The following AAK1 variants were observed in gnomAD, a reference collection of about 807,000 sequenced individuals.
AAK1 encodes the protein AP2-associated protein kinase 1.
Under a neutral mutation model 116.0 loss-of-function variants are expected in AAK1, and 37 were observed. The ratio of observed to expected loss-of-function variants is 0.32; its 90% CI spans 0.25 to 0.42. The LOEUF is 0.42. AAK1 is among the 10% of genes least tolerant of loss of function. The probability of loss-of-function intolerance (pLI) is 1.00; values close to 1 mark genes in which losing one functional copy is unlikely to be tolerated. For missense variants in AAK1, 919 were observed against 1,170.6 expected (o/e 0.79, Z 3.14); for synonymous variants, 458 against 439.9 (o/e 1.04, Z -0.51).
chr2:69,520,358 CTTTTTTTTTT>C (rs71397334), intron 11 of AAK1, among the ~76,000 whole-genome samples: 1 of 127,420 alleles, frequency 7.8e-6, no homozygotes, highest in African/African-American at 3.0e-5. Flanking sequence ...CAATTCTTTT[CTTTTTTTTTT>C]TTTTTTTTTG....
intron 2 of AAK1, among the ~76,000 whole-genome samples, chr2:69,589,578 G>A (rs755763374): frequency 2.6e-5 from 4 of 151,840 alleles, no homozygotes; most frequent in Non-Finnish European, 5.9e-5. Context: ...GCTTGATGGC[G>A]CATGCCTGTA....
In AAK1 at chr2:69,467,896, T is replaced by TG; in HGVS notation, c.*7972dup. 1.0e-6 allele frequency: 1 copy of TG among 985,316 alleles called. No homozygotes were observed. Among genetic ancestry groups the TG allele is most frequent in the Non-Finnish European group, 1.2e-6 (1 of 829,806 alleles). 61.0% of individuals were successfully genotyped at this position (985,316 alleles called of 1,614,324 possible). ...TATAAGATACTGTACAAAAATACTATGTTTCTCTGAATCCTATAACTTTTT... is the reference window on the plus strand; with the variant it reads ...TATAAGATACTGTACAAAAATACTATGGTTTCTCTGAATCCTATAACTTTTT... On this transcript the variant is annotated 3_prime_UTR_variant, in exon 22 of 22. Transcript: ENST00000409085.
chr2:69,526,157 G>A (rs528869857), intron 9 of AAK1, among the ~76,000 whole-genome samples: 4 of 152,174 alleles, frequency 2.6e-5, no homozygotes, highest in Non-Finnish European at 5.9e-5. Context: ...CTTTAAAGAA[G>A]AGCTGGTCCC....
chr2:69,460,882 T>C lies in AAK1; in HGVS notation c.*14987A>G, dbSNP rs959239623. 3.3e-5 allele frequency: 5 copies of C among 152,244 alleles called. No homozygotes were observed. The highest frequency in any genetic ancestry group is 1.2e-4 in the African/African-American group (5 of 41,460). The allele number at this position is 152,244 out of a possible 1,614,324, so 9.4% of individuals were successfully genotyped here. A position where few individuals can be genotyped will look rare whatever the true frequency, so the allele number is the denominator to read the frequency against. On this transcript the variant is annotated 3_prime_UTR_variant, in exon 22 of 22. Coordinates refer to ENST00000409085, the MANE Select transcript of AAK1 (RefSeq NM_014911.5). Reference sequence around the variant, plus strand: ...TTACTGTGGATTCTTTCAGGGTTCATCAATGCATGTGTGGCTCGATGGTTT... The same window carrying C: ...TTACTGTGGATTCTTTCAGGGTTCACCAATGCATGTGTGGCTCGATGGTTT...
intron 5 of AAK1, among the ~76,000 whole-genome samples, chr2:69,534,925 C>G (rs1343882917): frequency 6.6e-6 from 1 of 152,182 alleles, no homozygotes; most frequent in Non-Finnish European, 1.5e-5. Context: ...TGCTTGCCTT[C>G]CCAAGTAAGA....
rs144334228 is a variant in AAK1 at position 69,542,839 on chromosome 2, T to C, written c.392-174A>G. ...TCTTGACTCCCAGCTTGGGATTTGT[T>C]TTCTTATAATTCAGTGTCTCCTCTA... is the stretch of plus-strand genomic sequence containing the variant. On this transcript the variant is annotated intron_variant, in intron 4 of 21. Transcript: ENST00000409085. Among the ~76,000 whole-genome samples, 382 of 152,322 alleles carry C rather than the reference T, an allele frequency of 2.5e-3. 3 individuals carry two copies. The highest frequency in any genetic ancestry group is 0.018 in the Admixed American group (274 of 15,302).
rs1012576035 is a variant in AAK1, at chr2:69,476,761, T to A, written c.2791+119A>T. 2.4e-5 allele frequency: 16 copies of A among 663,622 alleles called. No homozygotes were observed. The African/African-American group carries it at 2.7e-4, about 11-fold the overall frequency. 41.1% of individuals were successfully genotyped at this position (663,622 alleles called of 1,614,324 possible). ...TGGTCCAGCCTACAATGATTCTCAT[T>A]ACACCCAATGTCCTTCATTAAATGT... On this transcript the variant is annotated intron_variant, in intron 21 of 21. Coordinates refer to ENST00000409085, the MANE Select transcript of AAK1 (RefSeq NM_014911.5).
intron 8 of AAK1, among the ~76,000 whole-genome samples, chr2:69,529,193 C>T (rs1670141976): frequency 6.6e-6 from 1 of 152,178 alleles, no homozygotes; most frequent in Non-Finnish European, 1.5e-5. Context: ...AGTAGGCCCT[C>T]AACAAATGTC....
chr2:69,477,252 C>T (rs1462117333), intron 20 of AAK1, among the ~76,000 whole-genome samples: 1 of 152,076 alleles, frequency 6.6e-6, no homozygotes. Context: ...ATTTATAAGA[C>T]ATTAATTATA....
At chr2:69,586,674 C>T (rs1389155522) in intron 2 of AAK1, among the ~76,000 whole-genome samples, 1 of 152,066 alleles carries the variant, frequency 6.6e-6, no homozygotes. Context: ...AGTTTTCTCT[C>T]CTATATCACA....
intron 2 of AAK1, chr2:69,594,799 C>A: frequency 7.8e-7 from 1 of 1,285,148 alleles, no homozygotes. Context: ...AGAATGCTTG[C>A]CTCTTTTAAT....
At chr2:69,556,657 CA>C (rs771375932) in intron 3 of AAK1, among the ~76,000 whole-genome samples, 1 of 104,268 alleles carries the variant, frequency 9.6e-6, no homozygotes, top group Non-Finnish European at 1.7e-5. Flanking sequence ...TCAGTTCTCT[CA>C]AAATGCTTTT....
rs1673077740 is a variant in AAK1, at chr2:69,592,496, T to C, written c.164-35518A>G. Among the ~76,000 whole-genome samples the C allele has an allele frequency of 3.9e-5, 6 of 152,272 alleles. No homozygotes were observed. The South Asian group carries it at 1.2e-3, about 32-fold the overall frequency. On this transcript the variant is annotated intron_variant, in intron 2 of 21. Transcript: ENST00000409085. ...GACTTAAGTGTCAAAAATAAAACTGTAAAACTGCTAAAAGAAAATTACAAC... is the reference window on the plus strand; with the variant it reads ...GACTTAAGTGTCAAAAATAAAACTGCAAAACTGCTAAAAGAAAATTACAAC...
At chr2:69,498,095 G>C (rs1371742985) in intron 16 of AAK1, among the ~76,000 whole-genome samples, 1 of 128,928 alleles carries the variant, frequency 7.8e-6, no homozygotes, top group Non-Finnish European at 1.6e-5. Context: ...CTTTCTCAAT[G>C]ACCCCTGAAT....
chr2:69,594,017 G>A (rs1673153078), intron 2 of AAK1, among the ~76,000 whole-genome samples: 4 of 152,168 alleles, frequency 2.6e-5, no homozygotes, highest in Admixed American at 2.6e-4. Context: ...TAAATCAAAA[G>A]TATAAGAACT....
At chr2:69,522,297 C>T (rs536875233) in intron 10 of AAK1, among the ~76,000 whole-genome samples, 1 of 152,308 alleles carries the variant, frequency 6.6e-6, no homozygotes, top group Non-Finnish European at 1.5e-5. Flanking sequence ...AAACAGGAAG[C>T]AAAGCAGCTG....
chr2:69,488,728 G>GA (rs1265495153), intron 17 of AAK1, among the ~76,000 whole-genome samples: 1 of 152,118 alleles, frequency 6.6e-6, no homozygotes, highest in Non-Finnish European at 1.5e-5. Context: ...GGTGAGAACA[G>GA]AATAAGCAGA....
chr2:69,641,731 C>A (rs948933722), intron 2 of AAK1, among the ~76,000 whole-genome samples: 8 of 152,142 alleles, frequency 5.3e-5, no homozygotes, highest in Non-Finnish European at 8.8e-5. Context: ...AGGTCAGGAC[C>A]CTTGCTTCAA....
In AAK1 at chr2:69,542,534, G is replaced by A; in HGVS notation, c.523C>T (p.Arg175Trp). 1.2e-6 allele frequency: 2 copies of A among 1,613,906 alleles called. No individual in the cohort carries two copies. The highest frequency in any genetic ancestry group is 1.7e-6 in the Non-Finnish European group (2 of 1,179,852). Residue 175 changes from arginine (R) to tryptophan (W), a missense_variant, in exon 5 of 22, where the codon CGG becomes TGG. Arg to Trp is a moderately radical substitution (Grantham distance 101). This residue lies in a region of AAK1 where 317 missense variants were observed against 490.4 expected (regional missense o/e 0.65). Transcript: ENST00000409085. ...LHQCKTPIIH[R>W]DLKVENILLH... ...AGTGTGGTCTGTACCTTCAGGTCCC[G>A]GTGGATAATAGGAGTTTTGCACTGA...
Sources: gnomAD v4.1 joint callset for allele counts (sites outside exome capture counted in the v4.1 genomes callset) on GRCh38, gnomAD v4.1.1 for gene constraint, gnomAD v4.1.1 regional missense constraint, MANE v1.5 for transcripts, NCBI Gene and HGNC (gene_info 2026-07-23, HGNC 2026-07-21) for gene names.